The following DAAM1 variants were observed in gnomAD, a reference collection of about 807,000 sequenced individuals.
The protein encoded by DAAM1 is disheveled-associated activator of morphogenesis 1.
DAAM1 carries 52 observed loss-of-function variants against 130.0 expected under a neutral mutation model. The observed-to-expected ratio is 0.40, with a 90% CI of 0.32 to 0.50. DAAM1 has a LOEUF of 0.50. DAAM1 is among the 20% of genes least tolerant of loss of function. The pLI, the probability that DAAM1 is intolerant of heterozygous loss-of-function variation, is 0.61. For synonymous variants in DAAM1, 452 were observed against 444.5 expected (o/e 1.02, Z -0.21); for missense variants, 1,134 against 1,303.8 (o/e 0.87, Z 2.01).
intron 2 of DAAM1, among the ~76,000 whole-genome samples, chr14:59,274,767 T>C (rs1272042202): frequency 1.3e-5 from 2 of 152,234 alleles, no homozygotes; most frequent in Non-Finnish European, 2.9e-5. Flanking sequence ...CTGATTCTTA[T>C]ACTCTGCCTG....
intron 1 of DAAM1, among the ~76,000 whole-genome samples, chr14:59,213,290 C>T (rs1888483013): frequency 1.7e-5 from 2 of 116,696 alleles, no homozygotes; most frequent in Non-Finnish European, 3.2e-5. Flanking sequence ...GCTTTAAGCT[C>T]TTATATATAT....
rs1440146519 is a variant in DAAM1, at chr14:59,326,648, T to A, written c.1313T>A (p.Met438Lys). 1 of 1,611,552 alleles carries A rather than the reference T, an allele frequency of 6.2e-7. No homozygotes were observed. The highest frequency in any genetic ancestry group is 1.7e-5 in the Admixed American group (1 of 59,448). ...TTTAATATTAAGAATGTCGTACGAA[T>A]GTAAGTCTCTTCTTATTCTGCTGCT... ...ENFNIKNVVR[M>K]LVNENEVKQW... is the part of the protein sequence containing the mutation. Residue 438 changes from methionine to lysine, a missense_variant and splice_region_variant, in exon 11 of 25, where the codon ATG (methionine) becomes AAG (lysine). Physicochemically the swap from Met to Lys is moderately conservative, Grantham distance 95. Around this residue, in one of 3 missense-constraint regions of DAAM1, gnomAD observed 391 missense variants for 521.6 expected, o/e 0.75. Coordinates refer to ENST00000360909, the MANE Select transcript of DAAM1 (RefSeq NM_001270520.2).
intron 17 of DAAM1, among the ~76,000 whole-genome samples, chr14:59,350,872 C>T (rs926692415): frequency 1.3e-5 from 2 of 152,084 alleles, no homozygotes; most frequent in African/African-American, 4.8e-5. Context: ...CTCTTGATGG[C>T]ACCTCTTCTA....
At chr14:59,209,965 GAAAA>G (rs370959547) in intron 1 of DAAM1, among the ~76,000 whole-genome samples, 1 of 148,152 alleles carries the variant, frequency 6.7e-6, no homozygotes, top group East Asian at 2.0e-4. Context: ...AAAAATTAAA[GAAAA>G]AAAAAATAGG....
At chr14:59,332,334 G>A (rs532076121) in intron 15 of DAAM1, among the ~76,000 whole-genome samples, 2 of 152,312 alleles carry the variant, frequency 1.3e-5, no homozygotes, top group East Asian at 3.9e-4. Context: ...ATTTGAAGCA[G>A]AATTCTTTGT....
chr14:59,288,832 G>GGA (rs58762540), intron 2 of DAAM1, among the ~76,000 whole-genome samples: 68,623 of 143,636 alleles, frequency 0.48, 16,436 homozygotes, highest in East Asian at 0.53. Flanking sequence ...TGTGATAGCA[G>GGA]GAGAGAGAGA....
intron 15 of DAAM1, among the ~76,000 whole-genome samples, chr14:59,334,718 C>T (rs759807671): frequency 2.0e-5 from 3 of 152,176 alleles, no homozygotes; most frequent in Non-Finnish European, 4.4e-5. Flanking sequence ...TATGCTTACA[C>T]ATATCTGCAT....
At chr14:59,368,539 A>C in intron 24 of DAAM1, 111 bp from the exon 25 acceptor site, 1 of 1,100,896 alleles carries the variant, frequency 9.1e-7, no homozygotes, top group African/African-American at 1.6e-5. Context: ...TTATAGGATG[A>C]GCATAGCTTG....
chr14:59,230,909 A>G (rs1252980), intron 1 of DAAM1, among the ~76,000 whole-genome samples: 1 of 152,062 alleles, frequency 6.6e-6, no homozygotes, highest in Non-Finnish European at 1.5e-5. Flanking sequence ...GCATTATTAT[A>G]TGGCATGTGG....
intron 17 of DAAM1, among the ~76,000 whole-genome samples, chr14:59,349,053 A>C (rs1412475677): frequency 6.6e-6 from 1 of 152,226 alleles, no homozygotes; most frequent in Admixed American, 6.5e-5. Flanking sequence ...AGCATTTTCT[A>C]GCTCCTTCAC....
chr14:59,224,311 C>A (rs1467651525), intron 1 of DAAM1, among the ~76,000 whole-genome samples: 2 of 152,206 alleles, frequency 1.3e-5, no homozygotes, highest in African/African-American at 4.8e-5. Context: ...GTCTTCTGCA[C>A]AGGTCAAATG....
In DAAM1 at chr14:59,355,425, C is replaced by G. The variant is rs76890655; in HGVS notation, c.2525+92C>G. 7 of 1,455,270 alleles carry G rather than the reference C, an allele frequency of 4.8e-6. No homozygotes were observed. In the African/African-American group the frequency reaches 1.0e-4, roughly 21 times the overall value. 90.1% of individuals were successfully genotyped at this position (1,455,270 alleles called of 1,614,324 possible). A position where few individuals can be genotyped will look rare whatever the true frequency, so the allele number is the denominator to read the frequency against. Reference sequence around the variant, plus strand: ...CTCTGGTCCTCCTCAGCCTTCATGACACTGCATTCTTCAGTTGGAACTTCT... The same window carrying G: ...CTCTGGTCCTCCTCAGCCTTCATGAGACTGCATTCTTCAGTTGGAACTTCT... On this transcript the variant is annotated intron_variant, in intron 20 of 24. Coordinates refer to ENST00000360909, the MANE Select transcript of DAAM1 (RefSeq NM_001270520.2).
chr14:59,272,593 C>CAA (rs1491088284), intron 2 of DAAM1, among the ~76,000 whole-genome samples: 3 of 110,326 alleles, frequency 2.7e-5, no homozygotes, highest in African/African-American at 4.5e-5. Context: ...AACAAACAAA[C>CAA]AAAATATATA....
intron 1 of DAAM1, among the ~76,000 whole-genome samples, chr14:59,255,952 A>G (rs979513640): frequency 2.6e-5 from 4 of 152,122 alleles, no homozygotes; most frequent in African/African-American, 9.7e-5. Flanking sequence ...GCTCTCAGGA[A>G]CTAATTGTCC....
intron 2 of DAAM1, among the ~76,000 whole-genome samples, chr14:59,272,696 C>G (rs1302307385): frequency 1.3e-5 from 2 of 151,534 alleles, no homozygotes; most frequent in African/African-American, 4.9e-5. Context: ...GGGGAGAGAT[C>G]TTCCTTTGAC....
At chr14:59,219,871 C>G (rs1293419919) in intron 1 of DAAM1, among the ~76,000 whole-genome samples, 1 of 152,204 alleles carries the variant, frequency 6.6e-6, no homozygotes, top group African/African-American at 2.4e-5. Flanking sequence ...GGTGCCACTT[C>G]TGGACATGCC....
chr14:59,276,016 TTA>T (rs749833832), intron 2 of DAAM1, among the ~76,000 whole-genome samples: 4 of 152,210 alleles, frequency 2.6e-5, no homozygotes, highest in Non-Finnish European at 5.9e-5. Flanking sequence ...TGTTTTCCAT[TTA>T]TGTTTTTCCT....
chr14:59,368,820 C>G lies in DAAM1; in HGVS notation c.3168C>G (p.Asp1056Glu). The G allele has an allele frequency of 6.2e-7, 1 of 1,613,896 alleles. No individual in the cohort carries two copies. The highest frequency in any genetic ancestry group is 8.5e-7 in the Non-Finnish European group (1 of 1,179,900). ...AACGTATTACCAACCAGATGACTGA[C>G]AGCAGCAGAGAGAGACCAATCACAA... ...NRKRITNQMTDSSRERPITKL... is the reference protein window; with the variant it reads ...NRKRITNQMTESSRERPITKL... The change falls in exon 25 of 25, where the codon GAC becomes GAG. Residue 1056 changes from aspartate (D) to glutamate (E), a missense_variant. Transcript: ENST00000360909.
chr14:59,360,532 A>G (rs1886667001), intron 21 of DAAM1: 1 of 269,020 alleles, frequency 3.7e-6, no homozygotes, highest in Non-Finnish European at 6.9e-6. Flanking sequence ...TTTGAAACAT[A>G]AAATATTTTT....
Sources: gnomAD v4.1 joint callset for allele counts (sites outside exome capture counted in the v4.1 genomes callset) on GRCh38, gnomAD v4.1.1 for gene constraint, gnomAD v4.1.1 regional missense constraint, MANE v1.5 for transcripts, NCBI Gene and HGNC (gene_info 2026-07-23, HGNC 2026-07-21) for gene names.